GNG7: variants seen among roughly 807,000 people sequenced by gnomAD.
GNG7 encodes G protein subunit gamma 7.
GNG7 carries 1 observed loss-of-function variant against 4.0 expected under a neutral mutation model. That is an observed-to-expected ratio of 0.25 (90% CI 0.09 to 1.18). GNG7 has a LOEUF of 1.18. Among genes scored for constraint, GNG7 ranks in the 50% most tolerant of loss-of-function variants. The pLI is 0.50. For missense variants in GNG7, 86 were observed against 91.9 expected, an observed-to-expected ratio of 0.94 and a Z score of 0.26; for synonymous variants, 34 against 36.9, an observed-to-expected ratio of 0.92 and a Z score of 0.29.
chr19:2,683,225 A>T (rs60007846), intron 1 of GNG7, among the ~76,000 whole-genome samples: 1 of 150,664 alleles, frequency 6.6e-6, no homozygotes, highest in Non-Finnish European at 1.5e-5. Flanking sequence ...GGCGACAGAG[A>T]AAGACTCCGT....
At chr19:2,545,260 C>T (rs960313391) in intron 3 of GNG7, among the ~76,000 whole-genome samples, 1 of 152,168 alleles carries the variant, frequency 6.6e-6, no homozygotes, top group Non-Finnish European at 1.5e-5. Context: ...TACTGCTCAG[C>T]ACCCTGCAGT....
At chr19:2,526,161 G>A (rs1022621694) in intron 3 of GNG7, among the ~76,000 whole-genome samples, 22 of 151,718 alleles carry the variant, frequency 1.5e-4, no homozygotes, top group Non-Finnish European at 3.1e-4. Context: ...TAGTAGATAC[G>A]GGGTTTCACC....
intron 2 of GNG7, among the ~76,000 whole-genome samples, chr19:2,564,879 T>A (rs1204442797): frequency 1.3e-5 from 1 of 79,090 alleles, no homozygotes; most frequent in Non-Finnish European, 2.4e-5. Flanking sequence ...AATGAATACA[T>A]TGGTCATTTA....
chr19:2,554,185 T>G (rs1979476017), intron 3 of GNG7, among the ~76,000 whole-genome samples: 2 of 147,614 alleles, frequency 1.4e-5, no homozygotes, highest in African/African-American at 4.9e-5. Flanking sequence ...ATATATATTT[T>G]TTTCTTTTCT....
chr19:2,597,120 C>T (rs1170345747), intron 2 of GNG7, among the ~76,000 whole-genome samples: 1 of 151,938 alleles, frequency 6.6e-6, no homozygotes, highest in Non-Finnish European at 1.5e-5. Flanking sequence ...TAAAAATTAT[C>T]CAGGCATGGT....
chr19:2,619,972 C>T (rs1307795030), intron 2 of GNG7, among the ~76,000 whole-genome samples: 3 of 151,166 alleles, frequency 2.0e-5, no homozygotes, highest in South Asian at 4.2e-4. Context: ...GGGGGGGGCG[C>T]GGATCACCTG....
At chr19:2,591,211 G>A (rs529043923) in intron 2 of GNG7, among the ~76,000 whole-genome samples, 56 of 152,270 alleles carry the variant, frequency 3.7e-4, no homozygotes, top group Middle Eastern at 3.4e-3. Context: ...CACGCTGGAA[G>A]GCTGTGTCAA....
chr19:2,603,124 T>C (rs111566099), intron 2 of GNG7, among the ~76,000 whole-genome samples: 7,021 of 151,982 alleles, frequency 0.046, 530 homozygotes, highest in African/African-American at 0.16. Context: ...TGGAGCACAA[T>C]AGCACAGTCT....
intron 2 of GNG7, among the ~76,000 whole-genome samples, chr19:2,593,151 T>C (rs1000799011): frequency 6.6e-6 from 1 of 152,134 alleles, no homozygotes; most frequent in African/African-American, 2.4e-5. Context: ...CAGCACAGAC[T>C]AAAAACTTCA....
At chr19:2,538,588 A>G in intron 3 of GNG7, 1 of 380,436 alleles carries the variant, frequency 2.6e-6, no homozygotes, top group Non-Finnish European at 5.1e-6. Context: ...CTATGATTGC[A>G]CCGCTGCACT....
chr19:2,643,564 C>G (rs1982578223), intron 2 of GNG7: 1 of 417,846 alleles, frequency 2.4e-6, no homozygotes, highest in Non-Finnish European at 4.7e-6. Flanking sequence ...AAGTCCGAGA[C>G]CTCTCCGGAC....
intron 1 of GNG7, among the ~76,000 whole-genome samples, chr19:2,692,659 G>A (rs1440504223): frequency 6.6e-6 from 1 of 151,000 alleles, no homozygotes; most frequent in African/African-American, 2.4e-5. Context: ...AGAAGGCCAG[G>A]GGCAGCAGTC....
chr19:2,700,179 T>C (rs1039970024), intron 1 of GNG7, among the ~76,000 whole-genome samples: 4 of 151,366 alleles, frequency 2.6e-5, no homozygotes, highest in Non-Finnish European at 4.4e-5. Context: ...TCTCTCTCTG[T>C]TGCCCAGGCT....
At chr19:2,647,157 G>C (rs1421854085) in intron 1 of GNG7, among the ~76,000 whole-genome samples, 1 of 152,206 alleles carries the variant, frequency 6.6e-6, no homozygotes, top group Non-Finnish European at 1.5e-5. Flanking sequence ...AGCTGTTCCT[G>C]CAAACACCGT....
chr19:2,658,838 G>C (rs575641964), intron 1 of GNG7, among the ~76,000 whole-genome samples: 1 of 152,266 alleles, frequency 6.6e-6, no homozygotes, highest in Admixed American at 6.5e-5. Flanking sequence ...ACCTTTTCGG[G>C]GAGAGGAGAT....
chr19:2,561,102 C>T (rs572852773), intron 2 of GNG7, among the ~76,000 whole-genome samples: 1 of 152,152 alleles, frequency 6.6e-6, no homozygotes, highest in Non-Finnish European at 1.5e-5. Flanking sequence ...CTCCCTCCCC[C>T]ATTCAAGGTG....
At chr19:2,624,619 G>A (rs1981969834) in intron 2 of GNG7, among the ~76,000 whole-genome samples, 1 of 152,208 alleles carries the variant, frequency 6.6e-6, no homozygotes, top group Non-Finnish European at 1.5e-5. Flanking sequence ...CCTCTGTCTG[G>A]TTGCCGGTGG....
At chr19:2,521,080 CTCA>C (rs907855101) in intron 3 of GNG7, among the ~76,000 whole-genome samples, 10 of 124,854 alleles carry the variant, frequency 8.0e-5, no homozygotes, top group African/African-American at 3.2e-4. Context: ...ACGGTGAAAC[CTCA>C]TCGTTACTAA....
At chr19:2,554,633 C>T (rs930665729) in intron 3 of GNG7, among the ~76,000 whole-genome samples, 3 of 150,984 alleles carry the variant, frequency 2.0e-5, no homozygotes, top group Non-Finnish European at 4.4e-5. Context: ...TAGCTCACTG[C>T]AACCTCCATC....
Sources: allele counts gnomAD v4.1 joint callset (sites outside exome capture counted in the v4.1 genomes callset), GRCh38; gene constraint gnomAD v4.1.1; transcripts MANE v1.5; gene names NCBI Gene and HGNC (gene_info 2026-07-23, HGNC 2026-07-21).